The following DAB1 variants were observed in gnomAD, a reference collection of about 807,000 sequenced individuals.
DAB1 encodes disabled homolog 1.
In DAB1, 15 loss-of-function variants were observed where a neutral mutation model predicts 64.6. The ratio of observed to expected loss-of-function variants is 0.23; its 90% CI spans 0.16 to 0.36. The LOEUF is 0.36. Among genes scored for constraint, DAB1 ranks in the 10% least tolerant of loss-of-function variants. DAB1 has a pLI of 1.00. For missense variants in DAB1, 596 were observed against 706.7 expected (o/e 0.84, Z 1.78); for synonymous variants, 235 against 251.9 (o/e 0.93, Z 0.64).
rs142133095 is a variant in DAB1 at position 58,530,135 on chromosome 1, C to T, written n.33-2800G>A. 5.4e-3 allele frequency among the ~76,000 whole-genome samples: 826 copies of T among 152,284 alleles called. 6 individuals are homozygous for T. Among genetic ancestry groups the T allele is most frequent in the African/African-American group, 0.019 (792 of 41,548 alleles). ...TGACTTCGTGATCCACCCACCTTGG[C>T]CTCCCAAAGTGCTGAGATTACAGGC... On this transcript the variant is annotated intron_variant and non_coding_transcript_variant, in intron 1 of 20. Coordinates refer to the DAB1 transcript ENST00000485760.
In DAB1 at chr1:58,039,244, C is replaced by G. The variant is rs75669533; in HGVS notation, n.387+111267G>C. Among the ~76,000 whole-genome samples the G allele has an allele frequency of 5.3e-5, 8 of 152,274 alleles. No individual in the cohort carries two copies. The East Asian group carries it at 1.5e-3, about 29-fold the overall frequency. On this transcript the variant is annotated intron_variant and non_coding_transcript_variant, in intron 5 of 20. Coordinates refer to the DAB1 transcript ENST00000485760. ...AACCACCTCCTTTATCTACTCTAGC[C>G]CATTTATCCACTTGCCCCTATACCT...
chr1:57,664,183 T>A (rs1383768364), intron 6 of DAB1, among the ~76,000 whole-genome samples: 2 of 152,166 alleles, frequency 1.3e-5, no homozygotes, highest in African/African-American at 4.8e-5. Context: ...AGATATATTA[T>A]TAGTTCTCTG....
At chr1:58,105,178 T>A (rs1186978528) in intron 5 of DAB1, among the ~76,000 whole-genome samples, 19 of 152,144 alleles carry the variant, frequency 1.2e-4, no homozygotes, top group Admixed American at 1.2e-3. Context: ...GAAGGCAGAG[T>A]CTAAAGGTCA....
intron 4 of DAB1, among the ~76,000 whole-genome samples, chr1:57,082,682 C>A (rs1652663877): frequency 6.6e-6 from 1 of 152,238 alleles, no homozygotes; most frequent in South Asian, 2.1e-4. Flanking sequence ...TCTCCCTCCC[C>A]CTGATCCCCC....
intron 4 of DAB1, among the ~76,000 whole-genome samples, chr1:58,172,845 AT>A (rs930029219): frequency 5.3e-5 from 8 of 152,260 alleles, no homozygotes; most frequent in African/African-American, 1.9e-4. Context: ...AGAAGAATAA[AT>A]GTATATACAG....
intron 7 of DAB1, among the ~76,000 whole-genome samples, chr1:57,633,489 G>A (rs1158428985): frequency 3.9e-5 from 6 of 152,330 alleles, no homozygotes; most frequent in Admixed American, 1.3e-4. Context: ...GCTGAGGACC[G>A]GCTGAAGGAA....
At chr1:57,799,587 G>T (rs1373418649) in intron 6 of DAB1, among the ~76,000 whole-genome samples, 2 of 60,010 alleles carry the variant, frequency 3.3e-5, no homozygotes, top group South Asian at 8.2e-4. Flanking sequence ...AAAAGATCTG[G>T]GGGGGGCTTT....
intron 4 of DAB1, among the ~76,000 whole-genome samples, chr1:58,196,077 C>T (rs1382716996): frequency 6.6e-6 from 1 of 152,140 alleles, no homozygotes; most frequent in Non-Finnish European, 1.5e-5. Context: ...GTTACTTCTA[C>T]CTAGGGTCAG....
intron 3 of DAB1, among the ~76,000 whole-genome samples, chr1:58,372,754 T>C (rs1012447721): frequency 3.3e-5 from 5 of 152,154 alleles, no homozygotes; most frequent in Non-Finnish European, 7.3e-5. Flanking sequence ...TTTCATGAGA[T>C]CTGATGCTTT....
chr1:57,891,890 T>C (rs1644320256), intron 5 of DAB1, among the ~76,000 whole-genome samples: 1 of 152,152 alleles, frequency 6.6e-6, no homozygotes, highest in South Asian at 2.1e-4. Context: ...AAATATTTAA[T>C]GTAGACGACG....
intron 5 of DAB1, among the ~76,000 whole-genome samples, chr1:58,118,548 TACATATATATAAA>T (rs1652518473): frequency 1.7e-5 from 2 of 117,942 alleles, no homozygotes; most frequent in African/African-American, 7.4e-5. Context: ...TACATATATA[TACATATATATAAA>T]ATACATATAT....
intron 1 of DAB1, among the ~76,000 whole-genome samples, chr1:57,852,447 TG>T (rs1653571286): frequency 6.6e-6 from 1 of 152,132 alleles, no homozygotes; most frequent in Non-Finnish European, 1.5e-5. Context: ...CTTCCTCTGC[TG>T]GGAAAATTCA....
intron 5 of DAB1, among the ~76,000 whole-genome samples, chr1:58,060,711 G>A (rs1386848399): frequency 6.6e-6 from 1 of 152,232 alleles, no homozygotes; most frequent in Non-Finnish European, 1.5e-5. Flanking sequence ...GTAAGTGAGT[G>A]TGCACAAGTC....
chr1:57,103,526 C>T (rs1654869818), intron 4 of DAB1, among the ~76,000 whole-genome samples: 2 of 152,050 alleles, frequency 1.3e-5, no homozygotes, highest in East Asian at 1.9e-4. Flanking sequence ...GAGCAGATCC[C>T]GGGAGTACAG....
chr1:57,748,204 A>G (rs1648378288), intron 6 of DAB1, among the ~76,000 whole-genome samples: 1 of 152,186 alleles, frequency 6.6e-6, no homozygotes, highest in African/African-American at 2.4e-5. Context: ...GGGCAACATC[A>G]AAGACCTTGC....
At chr1:58,149,881 G>GA (rs1207908415) in intron 5 of DAB1, among the ~76,000 whole-genome samples, 2 of 151,740 alleles carry the variant, frequency 1.3e-5, no homozygotes, top group East Asian at 1.9e-4. Flanking sequence ...AAAAGAAATA[G>GA]AAAAAAAACT....
chr1:57,854,129 A>G (rs2101931569), intron 1 of DAB1, among the ~76,000 whole-genome samples: 1 of 152,362 alleles, frequency 6.6e-6, no homozygotes, highest in Middle Eastern at 3.4e-3. Flanking sequence ...AACTCTTAAG[A>G]CTTTAAGACT....
At chr1:57,741,005 T>C (rs1647964936) in intron 6 of DAB1, among the ~76,000 whole-genome samples, 1 of 152,120 alleles carries the variant, frequency 6.6e-6, no homozygotes, top group Non-Finnish European at 1.5e-5. Flanking sequence ...AACTGATTCA[T>C]TAAGACCAAT....
intron 5 of DAB1, among the ~76,000 whole-genome samples, chr1:57,898,340 T>A (rs951797037): frequency 1.1e-4 from 16 of 152,194 alleles, no homozygotes; most frequent in Non-Finnish European, 2.2e-4. Flanking sequence ...TTTCTTTACA[T>A]TTGCAAAGTG....
Sources: gnomAD v4.1 joint callset for allele counts (sites outside exome capture counted in the v4.1 genomes callset) on GRCh38, gnomAD v4.1.1 for gene constraint, MANE v1.5 for transcripts, NCBI Gene and HGNC (gene_info 2026-07-23, HGNC 2026-07-21) for gene names.